CCDC85C: variants seen among roughly 807,000 people sequenced by gnomAD.
CCDC85C encodes the protein coiled-coil domain-containing protein 85C.
Under a neutral mutation model 38.3 loss-of-function variants are expected in CCDC85C, and 18 were observed. That is an observed-to-expected ratio of 0.47 (90% confidence interval 0.33 to 0.70). The LOEUF (loss-of-function observed/expected upper bound fraction) is 0.70. Among genes scored for constraint, CCDC85C ranks in the 30% least tolerant of loss-of-function variants. The pLI is 0.03. For missense variants in CCDC85C, 566 were observed against 621.2 expected, an observed-to-expected ratio of 0.91 and a Z score of 0.94; for synonymous variants, 264 against 293.8, an observed-to-expected ratio of 0.90 and a Z score of 1.04.
At chr14:99,593,146 C>G (rs530637113) in intron 1 of CCDC85C, among the ~76,000 whole-genome samples, 1 of 152,194 alleles carries the variant, frequency 6.6e-6, no homozygotes, top group South Asian at 2.1e-4. Context: ...GACAGGCGGG[C>G]GCATTCAGGG....
intron 1 of CCDC85C, among the ~76,000 whole-genome samples, chr14:99,593,168 C>T (rs1014567462): frequency 2.0e-5 from 3 of 152,226 alleles, no homozygotes; most frequent in Non-Finnish European, 2.9e-5. Flanking sequence ...CCCACACAAT[C>T]GGGCCCTTGT....
intron 2 of CCDC85C, among the ~76,000 whole-genome samples, chr14:99,525,684 G>A (rs1012373877): frequency 6.6e-6 from 1 of 152,242 alleles, no homozygotes; most frequent in East Asian, 1.9e-4. Flanking sequence ...GGGTGCGGGT[G>A]GAGGCAGGCA....
At chr14:99,559,214 G>T (rs11847109) in intron 1 of CCDC85C, among the ~76,000 whole-genome samples, 81,257 of 151,198 alleles carry the variant, frequency 0.54, 22,081 homozygotes, top group African/African-American at 0.61. Context: ...GAATACAGGA[G>T]TCCCCCCGAG....
chr14:99,600,883 G>C (rs1230682120), intron 1 of CCDC85C, among the ~76,000 whole-genome samples: 2 of 152,212 alleles, frequency 1.3e-5, no homozygotes, highest in African/African-American at 2.4e-5. Flanking sequence ...AGTTTCACCA[G>C]GTGAGGTGGC....
Position 99,503,037 on chromosome 14 carries a change from A to G in CCDC85C, c.*12209T>C. The G allele has an allele frequency of 1.3e-6, 2 of 1,568,736 alleles. No homozygotes were observed. The highest frequency in any genetic ancestry group is 2.2e-5 in the East Asian group (1 of 44,638). On this transcript the variant is annotated 3_prime_UTR_variant, in exon 6 of 6. Coordinates refer to ENST00000380243, the MANE Select transcript of CCDC85C (RefSeq NM_001144995.2). ...AGAGCAGGCTTTCCAGGTGGCGGCAACACCTGAGCACTGTTCCCATTTCTA... is the reference window on the plus strand; with the variant it reads ...AGAGCAGGCTTTCCAGGTGGCGGCAGCACCTGAGCACTGTTCCCATTTCTA...
intron 2 of CCDC85C, among the ~76,000 whole-genome samples, chr14:99,523,973 A>G (rs972405190): frequency 4.4e-4 from 21 of 47,918 alleles, no homozygotes; most frequent in Non-Finnish European, 8.7e-4. Context: ...TACAGCCCCC[A>G]CCCCTAGGCC....
At chr14:99,554,769 G>A (rs1050737196) in intron 1 of CCDC85C, among the ~76,000 whole-genome samples, 5 of 152,186 alleles carry the variant, frequency 3.3e-5, no homozygotes, top group Non-Finnish European at 4.4e-5. Context: ...CATCATAAAC[G>A]GGGCACAGGG....
intron 1 of CCDC85C, among the ~76,000 whole-genome samples, chr14:99,537,261 G>A (rs964036166): frequency 2.6e-5 from 4 of 152,108 alleles, no homozygotes; most frequent in Non-Finnish European, 5.9e-5. Flanking sequence ...CAGAAGCAGA[G>A]ACATCAGCCC....
At chr14:99,555,988 G>A (rs759087366) in intron 1 of CCDC85C, among the ~76,000 whole-genome samples, 1 of 152,196 alleles carries the variant, frequency 6.6e-6, no homozygotes, top group Non-Finnish European at 1.5e-5. Context: ...CAGCCCGATC[G>A]GCTGATCTTC....
At chr14:99,586,661 T>C (rs2055029965) in intron 1 of CCDC85C, among the ~76,000 whole-genome samples, 1 of 152,208 alleles carries the variant, frequency 6.6e-6, no homozygotes, top group Admixed American at 6.5e-5. Flanking sequence ...AGAAGGCTCT[T>C]TAATGAGGCA....
At position 99,509,877 on chromosome 14, in the gene CCDC85C, G is replaced by A. The variant is rs191779244; in HGVS notation, c.*5369C>T. 2,932 of 523,224 alleles carry A rather than the reference G, an allele frequency of 5.6e-3. 13 individuals carry two copies. Among genetic ancestry groups the A allele is most frequent in the Non-Finnish European group, 8.1e-3 (2,413 of 296,870 alleles). The allele number at this position is 523,224 out of a possible 1,614,324, so 32.4% of individuals were successfully genotyped here. A position where few individuals can be genotyped will look rare whatever the true frequency, so the allele number is the denominator to read the frequency against. On this transcript the variant is annotated 3_prime_UTR_variant, in exon 6 of 6. Transcript: ENST00000380243. ...GGGGGCTGGGGCCAGGGCACAAGGGGGCTTCGGGTGCTGCCGAGACTGCCT... is the reference window on the plus strand; with the variant it reads ...GGGGGCTGGGGCCAGGGCACAAGGGAGCTTCGGGTGCTGCCGAGACTGCCT...
At chr14:99,526,594 G>GA (rs544489718) in intron 2 of CCDC85C, among the ~76,000 whole-genome samples, 25 of 152,210 alleles carry the variant, frequency 1.6e-4, no homozygotes, top group African/African-American at 6.0e-4. Flanking sequence ...CTCCCTCCAG[G>GA]AAGAGGAAGT....
chr14:99,552,149 C>G (rs973205707), intron 1 of CCDC85C, among the ~76,000 whole-genome samples: 1 of 152,180 alleles, frequency 6.6e-6, no homozygotes, highest in African/African-American at 2.4e-5. Context: ...CTCCCAGGCC[C>G]GGCTAGCCTG....
chr14:99,542,803 G>A (rs1353878928), intron 1 of CCDC85C, among the ~76,000 whole-genome samples: 1 of 152,234 alleles, frequency 6.6e-6, no homozygotes, highest in African/African-American at 2.4e-5. Flanking sequence ...GCAGCTGCAT[G>A]TTCCTGGCCG....
intron 1 of CCDC85C, among the ~76,000 whole-genome samples, chr14:99,561,336 C>A (rs1898112761): frequency 1.3e-5 from 2 of 152,236 alleles, no homozygotes; most frequent in Non-Finnish European, 2.9e-5. Context: ...AGGCACAGAG[C>A]ATCCATTCCT....
rs1897170136 is a variant in CCDC85C, at chr14:99,513,413, C to CG, written c.*1832dup. 6.6e-6 allele frequency: 1 copy of CG among 152,238 alleles called. No individual in the cohort carries two copies. The highest frequency in any genetic ancestry group is 1.5e-5 in the Non-Finnish European group (1 of 68,072). The allele number at this position is 152,238 out of a possible 1,614,324, so 9.4% of individuals were successfully genotyped here. On this transcript the variant is annotated 3_prime_UTR_variant, in exon 6 of 6. Transcript: ENST00000380243. The stretch of plus-strand genomic sequence containing the variant: ...ACTTCACGTGTACACCCCTAGTGAC[C>CG]GGGAGCGCACCACCTGACCGGGCGA...
rs2139914688 is a variant in CCDC85C, at chr14:99,533,157, A to G, written c.867+2858T>C. Among the ~76,000 whole-genome samples, 1 of 152,264 alleles carries G rather than the reference A, an allele frequency of 6.6e-6. No homozygotes were observed. Among genetic ancestry groups the G allele is most frequent in the Middle Eastern group, 3.4e-3 (1 of 294 alleles). ...TCCTGGAGCCTTTGTTATGAGGTTCAGGGGCCTCCACTGCAGCATGGGGAC... is the reference window on the plus strand; with the variant it reads ...TCCTGGAGCCTTTGTTATGAGGTTCGGGGGCCTCCACTGCAGCATGGGGAC... On this transcript the variant is annotated intron_variant, in intron 2 of 5. Transcript: ENST00000380243. This position sits in a 1 kb window ranked among gnomAD's most constrained non-coding sequence, Gnocchi z 4.2.
intron 1 of CCDC85C, among the ~76,000 whole-genome samples, chr14:99,570,385 G>C (rs1348215437): frequency 6.6e-6 from 1 of 152,192 alleles, no homozygotes; most frequent in Non-Finnish European, 1.5e-5. Context: ...GCTGACCTCA[G>C]ACAGCTTGGC....
rs1198806194 is a variant in CCDC85C at position 99,510,418 on chromosome 14, C to T, written c.*4828G>A. ...AAGACCGAGGGACCCTCCTACGGTG[C>T]CCTGCCCCCCGCCTACGGCCCACCT... is the stretch of plus-strand genomic sequence containing the variant. On this transcript the variant is annotated 3_prime_UTR_variant, in exon 6 of 6. Coordinates refer to ENST00000380243, the MANE Select transcript of CCDC85C (RefSeq NM_001144995.2). The T allele has an allele frequency of 6.5e-6, 10 of 1,550,314 alleles. No individual in the cohort carries two copies. The highest frequency in any genetic ancestry group is 8.7e-6 in the Non-Finnish European group (10 of 1,147,740).
Sources: allele counts gnomAD v4.1 joint callset (sites outside exome capture counted in the v4.1 genomes callset), GRCh38; gene constraint gnomAD v4.1.1; non-coding constraint Gnocchi (gnomAD v3.1); transcripts MANE v1.5; gene names NCBI Gene and HGNC (gene_info 2026-07-23, HGNC 2026-07-21).